Variants in EPHA6 observed in about 807,000 individuals in gnomAD.
The protein encoded by EPHA6 is EPH receptor A6.
In EPHA6, 50 loss-of-function variants were observed where a neutral mutation model predicts 112.0. That is an observed-to-expected ratio of 0.45 (90% CI 0.36 to 0.56). The LOEUF is 0.56. EPHA6 is among the 20% of genes least tolerant of loss of function. The probability of loss-of-function intolerance (pLI) is 0.00; values close to 1 mark genes in which losing one functional copy is unlikely to be tolerated. For missense variants in EPHA6, 1,280 were observed against 1,417.4 expected (o/e 0.90, Z 1.56); for synonymous variants, 529 against 490.7 (o/e 1.08, Z -1.03).
Position 96,860,204 on chromosome 3 carries a change from T to G in EPHA6, c.386-6621T>G, listed in dbSNP as rs144136324. Among the ~76,000 whole-genome samples, 27 of 152,258 alleles carry G rather than the reference T, an allele frequency of 1.8e-4. No homozygotes were observed. The East Asian group carries it at 4.3e-3, about 24-fold the overall frequency. On this transcript the variant is annotated intron_variant, in intron 1 of 17. Transcript: ENST00000389672. The stretch of plus-strand genomic sequence containing the variant: ...TAGTTAGGGAAGTTAACATCTATTT[T>G]CATTATGTCCATGTAAATGTAATGG...
At chr3:97,396,185 A>G (rs999576261) in intron 5 of EPHA6, among the ~76,000 whole-genome samples, 1 of 151,386 alleles carries the variant, frequency 6.6e-6, no homozygotes, top group African/African-American at 2.4e-5. Flanking sequence ...ATTCAATATT[A>G]AGATTTTCAT....
At chr3:97,372,737 T>A (rs2085131693) in intron 5 of EPHA6, among the ~76,000 whole-genome samples, 1 of 152,106 alleles carries the variant, frequency 6.6e-6, no homozygotes. Context: ...CTTCAAGCAA[T>A]GCTAAACTAC....
intron 5 of EPHA6, among the ~76,000 whole-genome samples, chr3:97,266,108 G>A (rs1178717683): frequency 1.3e-5 from 2 of 152,150 alleles, no homozygotes; most frequent in Non-Finnish European, 2.9e-5. Context: ...TTTGAAATGG[G>A]TAGCTGGTAA....
intron 10 of EPHA6, among the ~76,000 whole-genome samples, chr3:97,530,974 G>A (rs554675469): frequency 1.3e-5 from 2 of 152,108 alleles, no homozygotes; most frequent in East Asian, 3.9e-4. Context: ...GATATTCTAT[G>A]CTTAAACTTA....
chr3:97,345,982 T>G (rs1315058751), intron 5 of EPHA6, among the ~76,000 whole-genome samples: 1 of 152,120 alleles, frequency 6.6e-6, no homozygotes, highest in Non-Finnish European at 1.5e-5. Flanking sequence ...TCACAAAAAT[T>G]TTATTGATAA....
At chr3:97,028,770 T>G (rs1222112115) in intron 3 of EPHA6, among the ~76,000 whole-genome samples, 1 of 152,016 alleles carries the variant, frequency 6.6e-6, no homozygotes, top group East Asian at 1.9e-4. Flanking sequence ...GATTTCTCAT[T>G]AATACAACTT....
At chr3:97,596,681 G>A (rs2107371771) in intron 12 of EPHA6, among the ~76,000 whole-genome samples, 1 of 150,476 alleles carries the variant, frequency 6.6e-6, no homozygotes, top group Non-Finnish European at 1.5e-5. Flanking sequence ...AAGGTTGAAT[G>A]TGTTCATATC....
chr3:97,321,529 G>T (rs1193799251), intron 5 of EPHA6, among the ~76,000 whole-genome samples: 1 of 151,886 alleles, frequency 6.6e-6, no homozygotes, highest in African/African-American at 2.4e-5. Flanking sequence ...TTTCAAACTA[G>T]AGTCTTCCTA....
At chr3:96,830,652 C>T (rs1559755974) in intron 1 of EPHA6, among the ~76,000 whole-genome samples, 1 of 151,868 alleles carries the variant, frequency 6.6e-6, no homozygotes, top group Non-Finnish European at 1.5e-5. Flanking sequence ...AAATATATTA[C>T]ATTTAAATAT....
At chr3:97,529,436 GA>G (rs1278214891) in intron 10 of EPHA6, among the ~76,000 whole-genome samples, 1 of 150,778 alleles carries the variant, frequency 6.6e-6, no homozygotes, top group Non-Finnish European at 1.5e-5. Context: ...TATTGGAAAA[GA>G]AAAAAAAGGT....
chr3:97,381,854 A>G (rs965313494), intron 5 of EPHA6, among the ~76,000 whole-genome samples: 1 of 152,134 alleles, frequency 6.6e-6, no homozygotes, highest in Non-Finnish European at 1.5e-5. Flanking sequence ...TCCTTTCACC[A>G]TTCAGAGTCC....
In EPHA6 at chr3:97,218,420, G is replaced by A. The variant is rs1052164684; in HGVS notation, c.1115-7844G>A. Among the ~76,000 whole-genome samples, 4 of 152,278 alleles carry A rather than the reference G, an allele frequency of 2.6e-5. No individual in the cohort carries two copies. In the East Asian group the frequency reaches 5.8e-4, roughly 22 times the overall value. ...TTCAGCATGGCTGGGGAAGCCTTAG[G>A]AAACTTACAATTGTGGCGGAAGGCA... On this transcript the variant is annotated intron_variant, in intron 3 of 17. Coordinates refer to ENST00000389672, the MANE Select transcript of EPHA6 (RefSeq NM_001080448.3).
chr3:97,631,793 C>T (rs917678995), intron 13 of EPHA6, among the ~76,000 whole-genome samples: 16 of 151,884 alleles, frequency 1.1e-4, no homozygotes, highest in Non-Finnish European at 1.8e-4. Flanking sequence ...TGTCATCTAC[C>T]ATCATATTTA....
In EPHA6 at chr3:97,547,199, T is replaced by A. The variant is rs1436289280; in HGVS notation, c.2386+14656T>A. On this transcript the variant is annotated intron_variant, in intron 11 of 17. Coordinates refer to ENST00000389672, the MANE Select transcript of EPHA6 (RefSeq NM_001080448.3). ...TTGTTTTCCCATCTTTGTGGTTTTA[T>A]CTACCTTTGGTCTTTGATGATGGTG... Among the ~76,000 whole-genome samples, 7 of 152,328 alleles carry A rather than the reference T, an allele frequency of 4.6e-5. No homozygotes were observed. The East Asian group carries it at 1.3e-3, about 29-fold the overall frequency.
intron 5 of EPHA6, among the ~76,000 whole-genome samples, chr3:97,267,502 T>G (rs918151794): frequency 6.6e-6 from 1 of 152,168 alleles, no homozygotes; most frequent in African/African-American, 2.4e-5. Context: ...GTATGTGTCA[T>G]GTAAAAGTCC....
At chr3:97,085,966 C>T (rs191248893) in intron 3 of EPHA6, among the ~76,000 whole-genome samples, 3 of 120,748 alleles carry the variant, frequency 2.5e-5, no homozygotes, top group African/African-American at 9.6e-5. Context: ...GAGATGGAGT[C>T]TCTTGTCACT....
At position 97,510,415 on chromosome 3, in the gene EPHA6, T is replaced by G. The variant is rs961878878; in HGVS notation, c.2201-21943T>G. 2.7e-4 allele frequency among the ~76,000 whole-genome samples: 41 copies of G among 152,298 alleles called. 1 individual carries two copies. The highest frequency in any genetic ancestry group is 7.5e-4 in the African/African-American group (31 of 41,560). Reference sequence around the variant, plus strand: ...TGGTGTTGATGCTACTCCTTTCTGTTTGTTAGTTTTCCTTCTAGCAGTCAG... The same window carrying G: ...TGGTGTTGATGCTACTCCTTTCTGTGTGTTAGTTTTCCTTCTAGCAGTCAG... On this transcript the variant is annotated intron_variant, in intron 10 of 17. Coordinates refer to ENST00000389672, the MANE Select transcript of EPHA6 (RefSeq NM_001080448.3).
At chr3:97,289,743 T>C (rs907667126) in intron 5 of EPHA6, among the ~76,000 whole-genome samples, 1 of 152,072 alleles carries the variant, frequency 6.6e-6, no homozygotes, top group African/African-American at 2.4e-5. Context: ...TTCTTTCAGC[T>C]GTTTTTTGTA....
chr3:96,837,767 A>G (rs924717455), intron 1 of EPHA6, among the ~76,000 whole-genome samples: 7 of 152,150 alleles, frequency 4.6e-5, no homozygotes, highest in African/African-American at 1.7e-4. Context: ...AAAACAAAAT[A>G]TAAGGCAGTA....
Sources: gnomAD v4.1 joint callset for allele counts (sites outside exome capture counted in the v4.1 genomes callset) on GRCh38, gnomAD v4.1.1 for gene constraint, MANE v1.5 for transcripts, NCBI Gene and HGNC (gene_info 2026-07-23, HGNC 2026-07-21) for gene names.